The following NOX4 variants were observed in gnomAD, a reference collection of about 807,000 sequenced individuals.
NOX4 encodes kidney oxidase-1.
NOX4 carries 69 observed loss-of-function variants against 87.6 expected under a neutral mutation model. The ratio of observed to expected loss-of-function variants is 0.79; its 90% confidence interval spans 0.65 to 0.96. The LOEUF (loss-of-function observed/expected upper bound fraction) is 0.96, where lower values mean the gene tolerates loss of function less well. Ranked by LOEUF, NOX4 falls within the 40% of genes least tolerant of loss-of-function variation. NOX4 has a pLI of 0.00. For synonymous variants in NOX4, 275 were observed against 238.2 expected, an observed-to-expected ratio of 1.15 and a Z score of -1.42; for missense variants, 680 against 681.5, an observed-to-expected ratio of 1.00 and a Z score of 0.02.
intron 8 of NOX4, among the ~76,000 whole-genome samples, chr11:89,416,160 C>A (rs1045850962): frequency 6.6e-6 from 1 of 152,150 alleles, no homozygotes; most frequent in African/African-American, 2.4e-5. Context: ...CATCCCCATT[C>A]ATTCTCAAAA....
At chr11:89,465,176 C>T (rs957337411) in intron 2 of NOX4, among the ~76,000 whole-genome samples, 4 of 150,972 alleles carry the variant, frequency 2.6e-5, no homozygotes, top group Non-Finnish European at 5.9e-5. Context: ...TTTGTGTGCC[C>T]TCCTATGTCC....
At chr11:89,532,258 C>G in the NOX4 span, among the ~76,000 whole-genome samples, 1 of 152,138 alleles carries the variant, frequency 6.6e-6, no homozygotes, top group Non-Finnish European at 1.5e-5. Flanking sequence ...CACTCAACAC[C>G]AGCCTGTGAA....
At chr11:89,542,458 TATTA>T in the NOX4 span, among the ~76,000 whole-genome samples, 2 of 152,334 alleles carry the variant, frequency 1.3e-5, no homozygotes, top group South Asian at 4.1e-4. Context: ...TTTTAGGCTT[TATTA>T]ATTAAGGCTA....
intron 13 of NOX4, among the ~76,000 whole-genome samples, chr11:89,351,219 A>G (rs1946443979): frequency 1.3e-5 from 2 of 152,364 alleles, no homozygotes; most frequent in African/African-American, 2.4e-5. Flanking sequence ...TCAGCCAAAG[A>G]CTAATCCAGA....
At chr11:89,477,404 G>A (rs1442750795) in intron 2 of NOX4, among the ~76,000 whole-genome samples, 5 of 152,220 alleles carry the variant, frequency 3.3e-5, no homozygotes, top group East Asian at 1.9e-4. Flanking sequence ...GGGAGCCGCC[G>A]TAAATACAGA....
At chr11:89,353,058 A>T (rs192461553) in intron 13 of NOX4, among the ~76,000 whole-genome samples, 1 of 152,320 alleles carries the variant, frequency 6.6e-6, no homozygotes, top group East Asian at 1.9e-4. Flanking sequence ...CCCTCAGGCG[A>T]TCCACCTGCC....
At chr11:89,547,163 C>G in the NOX4 span, among the ~76,000 whole-genome samples, 1 of 152,096 alleles carries the variant, frequency 6.6e-6, no homozygotes, top group Non-Finnish European at 1.5e-5. Flanking sequence ...CTACTACTGA[C>G]TATACCAAAT....
chr11:89,492,659 T>C (rs892975438), upstream of NOX4, among the ~76,000 whole-genome samples: 3 of 152,168 alleles, frequency 2.0e-5, no homozygotes, highest in African/African-American at 4.8e-5. Flanking sequence ...TTTCTGAAGT[T>C]AGAGAGCATA....
intron 14 of NOX4, 51 bp from the exon 15 acceptor site, chr11:89,340,222 T>C: frequency 8.6e-7 from 1 of 1,169,420 alleles, no homozygotes; most frequent in Non-Finnish European, 1.3e-6. Context: ...ACACAAATAT[T>C]AAAGAATTCG....
At chr11:89,566,736 A>G in the NOX4 span, among the ~76,000 whole-genome samples, 1 of 152,184 alleles carries the variant, frequency 6.6e-6, no homozygotes, top group Non-Finnish European at 1.5e-5. Flanking sequence ...AAAAGGGAGC[A>G]TGCAGACACT....
the NOX4 span, among the ~76,000 whole-genome samples, chr11:89,582,960 G>A: frequency 6.6e-6 from 1 of 152,170 alleles, no homozygotes; most frequent in East Asian, 1.9e-4. Context: ...TTCTAGGTCT[G>A]GTCCTAGCCT....
At chr11:89,412,313 A>T (rs1205492980) in intron 8 of NOX4, among the ~76,000 whole-genome samples, 1 of 152,196 alleles carries the variant, frequency 6.6e-6, no homozygotes, top group Non-Finnish European at 1.5e-5. Flanking sequence ...CTATAGACCA[A>T]ATGGACCTAA....
the NOX4 span, among the ~76,000 whole-genome samples, chr11:89,526,767 C>T: frequency 6.6e-6 from 1 of 152,166 alleles, no homozygotes; most frequent in African/African-American, 2.4e-5. Context: ...CCATGCTGAA[C>T]TGTGAGTCAA....
intron 4 of NOX4, among the ~76,000 whole-genome samples, chr11:89,444,482 C>CACACACAT (rs1944597534): frequency 1.4e-5 from 2 of 148,024 alleles, no homozygotes; most frequent in Admixed American, 1.4e-4. Flanking sequence ...CACACACACA[C>CACACACAT]ACACACACAC....
the NOX4 span, among the ~76,000 whole-genome samples, chr11:89,584,073 C>T: frequency 5.9e-5 from 9 of 152,262 alleles, no homozygotes; most frequent in Admixed American, 4.6e-4. Context: ...CAAACACAGT[C>T]TCTCCTCTTG....
chr11:89,506,309 G>GA, the NOX4 span, among the ~76,000 whole-genome samples: 1 of 102,992 alleles, frequency 9.7e-6, no homozygotes, highest in South Asian at 3.0e-4. Context: ...GAAAGAGAGA[G>GA]AAAGAAAGAA....
chr11:89,438,829 C>CTTATATATTATATATATTATATAATATA (rs1944277398), intron 6 of NOX4, among the ~76,000 whole-genome samples: 2 of 32,302 alleles, frequency 6.2e-5, no homozygotes, highest in South Asian at 1.1e-3. Flanking sequence ...TATATAATAT[C>CTTATATATTATATATATTATATAATATA]TTATATATTA....
chr11:89,354,487 G>T (rs920293425), intron 13 of NOX4, among the ~76,000 whole-genome samples: 2 of 152,078 alleles, frequency 1.3e-5, no homozygotes, highest in African/African-American at 4.8e-5. Flanking sequence ...TTTTCAATAC[G>T]ATAAATAAGA....
At chr11:89,503,044 C>G (rs1040341067), upstream of NOX4, among the ~76,000 whole-genome samples, 8 of 151,936 alleles carry the variant, frequency 5.3e-5, no homozygotes, top group Non-Finnish European at 1.5e-5. Flanking sequence ...TACCCTTTAT[C>G]TTTATTTCTT....
Sources: allele counts gnomAD v4.1 joint callset (sites outside exome capture counted in the v4.1 genomes callset), GRCh38; gene constraint gnomAD v4.1.1; transcripts MANE v1.5; gene names NCBI Gene and HGNC (gene_info 2026-07-23, HGNC 2026-07-21).